HTRA1: variants seen among roughly 807,000 people sequenced by gnomAD.
HTRA1 encodes the protein serine protease HTRA1.
HTRA1 carries 26 observed loss-of-function variants against 49.7 expected under a neutral mutation model. The observed-to-expected ratio is 0.52, with a 90% CI of 0.38 to 0.73. HTRA1 has a LOEUF of 0.73. HTRA1 is among the 30% of genes least tolerant of loss of function. The pLI is 0.00. For synonymous variants in HTRA1, 291 were observed against 286.9 expected, an observed-to-expected ratio of 1.01 and a Z score of -0.14; for missense variants, 561 against 667.2, an observed-to-expected ratio of 0.84 and a Z score of 1.75.
chr10:122,502,881 T>A (rs960343896), intron 3 of HTRA1, among the ~76,000 whole-genome samples: 2 of 152,234 alleles, frequency 1.3e-5, no homozygotes, highest in African/African-American at 2.4e-5. Context: ...TTGCATTTTC[T>A]TTTCCCCCCA....
At chr10:122,480,261 G>T (rs576669198) in intron 1 of HTRA1, among the ~76,000 whole-genome samples, 1 of 151,956 alleles carries the variant, frequency 6.6e-6, no homozygotes, top group African/African-American at 2.4e-5. Context: ...CGGGGAACGT[G>T]TGTGGGTTGG....
chr10:122,481,886 C>T (rs750323297), intron 1 of HTRA1, among the ~76,000 whole-genome samples: 9 of 152,188 alleles, frequency 5.9e-5, no homozygotes, highest in Non-Finnish European at 1.3e-4. Context: ...ACATGACATG[C>T]TCCTCCTTGC....
At chr10:122,484,952 G>T (rs964948683) in intron 1 of HTRA1, among the ~76,000 whole-genome samples, 23 of 152,244 alleles carry the variant, frequency 1.5e-4, no homozygotes, top group Admixed American at 3.9e-4. Flanking sequence ...CATCGGGATT[G>T]ACTCCTCTGG....
intron 1 of HTRA1, among the ~76,000 whole-genome samples, chr10:122,485,678 G>A (rs182612185): frequency 2.5e-3 from 383 of 152,336 alleles, no homozygotes; most frequent in South Asian, 5.6e-3. Context: ...TGTGAGAAGG[G>A]AACTGCCTCT....
At chr10:122,513,507 C>G (rs2097506531) in intron 8 of HTRA1, among the ~76,000 whole-genome samples, 1 of 151,230 alleles carries the variant, frequency 6.6e-6, no homozygotes, top group Admixed American at 6.6e-5. Context: ...CTAAAAATCT[C>G]AAAAGGAGCC....
At position 122,494,364 on chromosome 10, in the gene HTRA1, T is replaced by C. The variant is rs2097497533; in HGVS notation, c.777+4738T>C. Among the ~76,000 whole-genome samples the C allele has an allele frequency of 6.6e-6, 1 of 152,108 alleles. No individual in the cohort carries two copies. The highest frequency in any genetic ancestry group is 1.5e-5 in the Non-Finnish European group (1 of 68,024). Reference sequence around the variant, plus strand: ...GAATTGAGGGGAAGGCACCCGGGGCTCCTGCATCGAGCTTCCCTCCTATAT... The same window carrying C: ...GAATTGAGGGGAAGGCACCCGGGGCCCCTGCATCGAGCTTCCCTCCTATAT... On this transcript the variant is annotated intron_variant, in intron 3 of 8. Transcript: ENST00000368984. The surrounding 1 kb of genome is among the most constrained non-coding windows in gnomAD (Gnocchi z 4.0).
Position 122,489,422 on chromosome 10 carries a change from G to T in HTRA1, c.573G>T (p.Lys191Asn). 1 of 1,614,046 alleles carries T rather than the reference G, an allele frequency of 6.2e-7. No homozygotes were observed. The highest frequency in any genetic ancestry group is 8.5e-7 in the Non-Finnish European group (1 of 1,179,946). The change falls in exon 3 of 9, where the codon AAG becomes AAT. Residue 191 changes from lysine to asparagine, a missense_variant and splice_region_variant. Coordinates refer to ENST00000368984, the MANE Select transcript of HTRA1 (RefSeq NM_002775.5). ...AAGTGTGTACTCCTTTGGATTTTAG[G>T]CTTCCGTTTTCTAAACGAGAGGTGC... The part of the protein sequence containing the change: ...PAVVHIELFR[K>N]LPFSKREVPV...
chr10:122,495,773 T>A (rs2097498306), intron 3 of HTRA1, among the ~76,000 whole-genome samples: 1 of 152,230 alleles, frequency 6.6e-6, no homozygotes, highest in Non-Finnish European at 1.5e-5. Context: ...TAGGAATGTC[T>A]CCTGTCCTCT....
intron 7 of HTRA1, 118 bp downstream of exon 7, chr10:122,510,271 G>A (rs534821679): frequency 1.1e-4 from 91 of 822,334 alleles, no homozygotes; most frequent in Non-Finnish European, 1.9e-4. Context: ...CTCAGTTTCT[G>A]CTTATAATGA....
intron 1 of HTRA1, among the ~76,000 whole-genome samples, chr10:122,476,964 CTTTTTT>C (rs36120668): frequency 9.6e-6 from 1 of 103,998 alleles, no homozygotes; most frequent in Non-Finnish European, 1.9e-5. Context: ...TTTATAGTTA[CTTTTTT>C]TTTTTTTTTT....
chr10:122,501,406 T>C (rs2097500810), intron 3 of HTRA1, among the ~76,000 whole-genome samples: 1 of 152,188 alleles, frequency 6.6e-6, no homozygotes, highest in African/African-American at 2.4e-5. Context: ...AACAAAAATG[T>C]GCATGAGGGA....
At position 122,461,775 on chromosome 10, in the gene HTRA1, C is replaced by T. The variant is rs928614834; in HGVS notation, c.123C>T (p.Cys41=). ...APLAAGCPDR[C]EPARCPPQPE... ...TGGCCGCCGGGTGCCCAGACCGCTG[C>T]GAGCCGGCGCGCTGCCCGCCGCAGC... The change falls in exon 1 of 9, where the codon TGC becomes TGT. Residue 41 remains cysteine, a synonymous_variant. Transcript: ENST00000368984. 9 of 1,051,714 alleles carry T rather than the reference C, an allele frequency of 8.6e-6. No homozygotes were observed. The highest frequency in any genetic ancestry group is 1.1e-4 in the Admixed American group (2 of 18,726). The allele number at this position is 1,051,714 out of a possible 1,614,324, so 65.1% of individuals were successfully genotyped here. A position where few individuals can be genotyped will look rare whatever the true frequency, so the allele number is the denominator to read the frequency against.
intron 1 of HTRA1, 83 bp downstream of exon 1, chr10:122,462,207 AG>A (rs1177807297): frequency 1.2e-5 from 14 of 1,214,364 alleles, no homozygotes; most frequent in Non-Finnish European, 1.4e-5. Flanking sequence ...GGGCAGGTTG[AG>A]GGGCAGCGAA....
intron 3 of HTRA1, among the ~76,000 whole-genome samples, chr10:122,502,385 G>A (rs560426818): frequency 7.9e-5 from 12 of 152,282 alleles, no homozygotes; most frequent in East Asian, 7.7e-4. Context: ...CAAGGTGTTA[G>A]CATTACTCCC....
chr10:122,488,169 C>A (rs537841073), intron 1 of HTRA1, among the ~76,000 whole-genome samples: 4 of 152,242 alleles, frequency 2.6e-5, no homozygotes, highest in Middle Eastern at 3.4e-3. Flanking sequence ...CTAGAAAAAG[C>A]CCCGGTGCTC....
At chr10:122,462,520 C>T (rs185155507) in intron 1 of HTRA1, among the ~76,000 whole-genome samples, 1 of 152,398 alleles carries the variant, frequency 6.6e-6, no homozygotes, top group African/African-American at 2.4e-5. Context: ...GCTTCAGGAC[C>T]ACAAGAAGTC....
intron 6 of HTRA1, 87 bp downstream of exon 6, chr10:122,508,857 G>A (rs916419458): frequency 1.2e-6 from 1 of 825,114 alleles, no homozygotes; most frequent in South Asian, 1.3e-5. Context: ...GGGAAAAGCG[G>A]CAGCCCCTAG....
intron 3 of HTRA1, among the ~76,000 whole-genome samples, chr10:122,492,238 A>G (rs1218148334): frequency 1.3e-5 from 2 of 152,144 alleles, no homozygotes; most frequent in Non-Finnish European, 2.9e-5. Flanking sequence ...GGGCCCAGTG[A>G]CTAACTCGGT....
intron 3 of HTRA1, among the ~76,000 whole-genome samples, chr10:122,497,258 T>C (rs2097499110): frequency 6.6e-6 from 1 of 152,248 alleles, no homozygotes; most frequent in African/African-American, 2.4e-5. Context: ...TGGCCTTCCC[T>C]GTGTTCCCAT....
Sources: gnomAD v4.1 joint callset for allele counts (sites outside exome capture counted in the v4.1 genomes callset) on GRCh38, gnomAD v4.1.1 for gene constraint, Gnocchi (gnomAD v3.1) non-coding constraint, MANE v1.5 for transcripts, NCBI Gene and HGNC (gene_info 2026-07-23, HGNC 2026-07-21) for gene names.